TESC: variants seen among roughly 807,000 people sequenced by gnomAD.
The protein encoded by TESC is tescalcin.
In TESC, 19 loss-of-function variants were observed where a neutral mutation model predicts 31.0. The observed-to-expected ratio is 0.61, with a 90% CI of 0.43 to 0.90. The LOEUF is 0.90. Ranked by LOEUF, TESC falls within the 40% of genes least tolerant of loss-of-function variation. TESC has a pLI of 0.00. For synonymous variants in TESC, 109 were observed against 114.8 expected, an observed-to-expected ratio of 0.95 and a Z score of 0.32; for missense variants, 248 against 303.8, an observed-to-expected ratio of 0.82 and a Z score of 1.36.
chr12:117,041,638 C>T (rs528120963), intron 7 of TESC, among the ~76,000 whole-genome samples: 6 of 152,166 alleles, frequency 3.9e-5, no homozygotes, highest in East Asian at 1.9e-4. Flanking sequence ...CAGCCTACAA[C>T]GGGGGTTACT....
intron 2 of TESC, among the ~76,000 whole-genome samples, chr12:117,059,017 C>G (rs1222093516): frequency 6.6e-6 from 1 of 152,194 alleles, no homozygotes; most frequent in Non-Finnish European, 1.5e-5. Flanking sequence ...ACCCAGCACA[C>G]AGGCTGGTGA....
intron 7 of TESC, among the ~76,000 whole-genome samples, chr12:117,040,401 T>C (rs1399376179): frequency 6.6e-6 from 1 of 152,178 alleles, no homozygotes; most frequent in African/African-American, 2.4e-5. Flanking sequence ...AAAAGATCCC[T>C]CAGGGGTACA....
At chr12:117,086,054 A>C (rs776908135) in intron 1 of TESC, among the ~76,000 whole-genome samples, 2 of 152,220 alleles carry the variant, frequency 1.3e-5, no homozygotes, top group Non-Finnish European at 1.5e-5. Context: ...AGCCTACTGC[A>C]GGATGCTATT....
intron 1 of TESC, among the ~76,000 whole-genome samples, chr12:117,079,092 C>G (rs1375149174): frequency 6.6e-6 from 1 of 152,164 alleles, no homozygotes; most frequent in Non-Finnish European, 1.5e-5. Context: ...TAGAGGCAGA[C>G]CCACAATTTG....
rs1266268613 is a variant in TESC at position 117,075,282 on chromosome 12, C to T, written c.117G>A (p.Gln39=). ...HRRFKQLSGD[Q]PTIRKENFNN... ...GCTGCCAATCTTACCGAATGGTAGG[C>T]TGATCTCCACTCAGCTGCTTAAATC... The change falls in exon 2 of 8, where the codon CAG becomes CAA. Residue 39 remains glutamine (Q), a synonymous_variant. Coordinates refer to ENST00000335209, the MANE Select transcript of TESC (RefSeq NM_017899.4). 6.2e-7 allele frequency: 1 copy of T among 1,612,524 alleles called. No homozygotes were observed. Among genetic ancestry groups the T allele is most frequent in the Non-Finnish European group, 8.5e-7 (1 of 1,179,908 alleles).
At chr12:117,086,044 A>G (rs1432380570) in intron 1 of TESC, among the ~76,000 whole-genome samples, 1 of 152,204 alleles carries the variant, frequency 6.6e-6, no homozygotes, top group Non-Finnish European at 1.5e-5. Flanking sequence ...ATACAAGGCC[A>G]GCCTACTGCA....
intron 1 of TESC, among the ~76,000 whole-genome samples, chr12:117,096,384 G>A (rs534739772): frequency 3.3e-5 from 5 of 152,250 alleles, no homozygotes; most frequent in South Asian, 4.1e-4. Flanking sequence ...GGGAGCTGAC[G>A]TTCCCATGCC....
At chr12:117,046,221 G>A (rs1437248190) in intron 6 of TESC, among the ~76,000 whole-genome samples, 1 of 152,234 alleles carries the variant, frequency 6.6e-6, no homozygotes, top group African/African-American at 2.4e-5. Context: ...GCCAGCCTGT[G>A]CCATGTGCTA....
At chr12:117,051,446 T>C (rs1052763128) in intron 3 of TESC, among the ~76,000 whole-genome samples, 1 of 152,122 alleles carries the variant, frequency 6.6e-6, no homozygotes, top group Admixed American at 6.5e-5. Flanking sequence ...GGAAGCCCCA[T>C]CTTTATGTGT....
intron 1 of TESC, among the ~76,000 whole-genome samples, chr12:117,088,815 T>C (rs1277875062): frequency 3.3e-5 from 5 of 152,264 alleles, no homozygotes; most frequent in African/African-American, 7.2e-5. Context: ...ACAAATGTAA[T>C]GTCCAGCTAA....
rs772915105 is a variant in TESC, at chr12:117,056,840, G to C, written c.175C>G (p.Arg59Gly). ...NVPDLELNPI[R>G]SKIVRAFFDN... ...AAGAAGGCACGAACAATTTTGGATC[G>C]GATGGGGTTGAGCTCCAGGTCCGGG... is the stretch of plus-strand genomic sequence containing the variant. Residue 59 changes from arginine (R) to glycine (G), a missense_variant, in exon 3 of 8, where the codon CGA (arginine) becomes GGA (glycine). Arg to Gly is a moderately radical substitution (Grantham distance 125). Transcript: ENST00000335209. 1.2e-6 allele frequency: 2 copies of C among 1,614,028 alleles called. No homozygotes were observed. Among genetic ancestry groups the C allele is most frequent in the African/African-American group, 1.3e-5 (1 of 74,916 alleles).
At chr12:117,075,873 G>A (rs1465436026) in intron 1 of TESC, among the ~76,000 whole-genome samples, 24 of 22,240 alleles carry the variant, frequency 1.1e-3, no homozygotes, top group South Asian at 6.1e-3. Flanking sequence ...ATATATATGT[G>A]TGTATATATA....
intron 6 of TESC, among the ~76,000 whole-genome samples, chr12:117,044,519 T>G (rs12368876): frequency 0.45 from 67,762 of 152,074 alleles, 17,300 homozygotes; most frequent in African/African-American, 0.71. Context: ...GGCGGGGAGT[T>G]GGGGGAAGCA....
chr12:117,075,871 G>GTATATA (rs1955050189), intron 1 of TESC, among the ~76,000 whole-genome samples: 1 of 45,106 alleles, frequency 2.2e-5, no homozygotes, highest in African/African-American at 1.1e-4. Flanking sequence ...ATATATATAT[G>GTATATA]TGTGTATATA....
rs1954445678 is a variant in TESC, at chr12:117,039,213, G to C, written c.568-3C>G. On this transcript the variant is annotated splice_region_variant and splice_polypyrimidine_tract_variant and intron_variant, in intron 7 of 7. Coordinates refer to ENST00000335209, the MANE Select transcript of TESC (RefSeq NM_017899.4). ...TCAATGTCGATCCCCTGCCAGATCT[G>C]GAAGGGACGGAGCAGCGTTAAGGGC... The C allele has an allele frequency of 6.2e-7, 1 of 1,613,082 alleles. No homozygotes were observed. The highest frequency in any genetic ancestry group is 1.7e-5 in the Admixed American group (1 of 59,932).
At chr12:117,050,570 C>G (rs1335939439) in intron 3 of TESC, among the ~76,000 whole-genome samples, 5 of 152,208 alleles carry the variant, frequency 3.3e-5, no homozygotes, top group Non-Finnish European at 7.3e-5. Flanking sequence ...GCCCCATGCC[C>G]GGCACACTGC....
At chr12:117,055,443 G>A (rs1452242605) in intron 3 of TESC, among the ~76,000 whole-genome samples, 4 of 152,008 alleles carry the variant, frequency 2.6e-5, no homozygotes, top group South Asian at 2.1e-4. Flanking sequence ...GCACCTGACC[G>A]ATTATCTCCA....
chr12:117,055,573 C>A (rs960608832), intron 3 of TESC, among the ~76,000 whole-genome samples: 28 of 152,216 alleles, frequency 1.8e-4, no homozygotes, highest in Admixed American at 6.5e-5. Flanking sequence ...TCACTTCTAA[C>A]GAAGAGACAC....
intron 2 of TESC, among the ~76,000 whole-genome samples, chr12:117,069,018 G>A (rs151080829): frequency 2.0e-5 from 3 of 152,270 alleles, no homozygotes; most frequent in Non-Finnish European, 2.9e-5. Flanking sequence ...TCTGCTAGAT[G>A]GAAAATTTCT....
Sources: allele counts gnomAD v4.1 joint callset (sites outside exome capture counted in the v4.1 genomes callset), GRCh38; gene constraint gnomAD v4.1.1; transcripts MANE v1.5; gene names NCBI Gene and HGNC (gene_info 2026-07-23, HGNC 2026-07-21).